The following MGAT5 variants were observed in gnomAD, a reference collection of about 807,000 sequenced individuals.
MGAT5 encodes the protein alpha-1,6-mannosylglycoprotein 6-beta-N-acetylglucosaminyltransferase A.
In MGAT5, 30 loss-of-function variants were observed where a neutral mutation model predicts 94.3. That is an observed-to-expected ratio of 0.32 (90% CI 0.24 to 0.43). The LOEUF (loss-of-function observed/expected upper bound fraction) is 0.43, where lower values mean the gene tolerates loss of function less well. Among genes scored for constraint, MGAT5 ranks in the 20% least tolerant of loss-of-function variants. MGAT5 has a pLI of 1.00. For missense variants in MGAT5, 691 were observed against 905.5 expected, an observed-to-expected ratio of 0.76 and a Z score of 3.04; for synonymous variants, 310 against 322.9, an observed-to-expected ratio of 0.96 and a Z score of 0.43.
intron 11 of MGAT5, among the ~76,000 whole-genome samples, chr2:134,408,645 G>A (rs1476341859): frequency 6.6e-6 from 1 of 152,196 alleles, no homozygotes; most frequent in African/African-American, 2.4e-5. Context: ...GGCTTGTGGA[G>A]CCCTTGGGAG....
chr2:134,206,495 C>T (rs1025710588), intron 1 of MGAT5, among the ~76,000 whole-genome samples: 5 of 152,118 alleles, frequency 3.3e-5, no homozygotes, highest in African/African-American at 9.7e-5. Flanking sequence ...CTTAAAAGAA[C>T]ATGTTTATTT....
chr2:134,292,455 T>C (rs1034238285), intron 2 of MGAT5, among the ~76,000 whole-genome samples: 1 of 152,108 alleles, frequency 6.6e-6, no homozygotes, highest in East Asian at 1.9e-4. Context: ...ACAGGGTGCA[T>C]TGGGTAAAAG....
chr2:134,182,935 C>T (rs1445030560), intron 1 of MGAT5, among the ~76,000 whole-genome samples: 1 of 151,632 alleles, frequency 6.6e-6, no homozygotes, highest in Non-Finnish European at 1.5e-5. Context: ...TACAGGCGCC[C>T]ACCATCACAC....
At chr2:134,277,855 A>G (rs1353597019) in intron 2 of MGAT5, among the ~76,000 whole-genome samples, 1 of 152,232 alleles carries the variant, frequency 6.6e-6, no homozygotes, top group Non-Finnish European at 1.5e-5. Context: ...TTTCACTGGA[A>G]CACTTTAAAT....
At chr2:134,182,633 T>C (rs1418002643) in intron 1 of MGAT5, among the ~76,000 whole-genome samples, 1 of 152,148 alleles carries the variant, frequency 6.6e-6, no homozygotes, top group Non-Finnish European at 1.5e-5. Flanking sequence ...CCCTGGAAGC[T>C]CCTCGTGTTC....
intron 1 of MGAT5, among the ~76,000 whole-genome samples, chr2:134,245,547 A>AC (rs926195866): frequency 5.1e-4 from 77 of 152,116 alleles, no homozygotes; most frequent in East Asian, 3.5e-3. Flanking sequence ...GTTTTCTCTT[A>AC]CCCCACCCAC....
At chr2:134,339,746 A>G (rs1460111590) in intron 6 of MGAT5, among the ~76,000 whole-genome samples, 1 of 152,186 alleles carries the variant, frequency 6.6e-6, no homozygotes, top group Non-Finnish European at 1.5e-5. Context: ...TATTACCAAA[A>G]ACTAAAAATT....
chr2:134,231,005 A>C (rs1681335411), intron 1 of MGAT5, among the ~76,000 whole-genome samples: 1 of 152,230 alleles, frequency 6.6e-6, no homozygotes, highest in Non-Finnish European at 1.5e-5. Context: ...ACCTTGTGAA[A>C]GAAAGCTGTC....
intron 12 of MGAT5, among the ~76,000 whole-genome samples, chr2:134,414,323 C>T (rs889933585): frequency 6.6e-6 from 1 of 152,128 alleles, no homozygotes; most frequent in African/African-American, 2.4e-5. Flanking sequence ...AGACTGGGGA[C>T]ATTCAGTCTG....
At chr2:134,270,231 A>G (rs1683946523) in intron 1 of MGAT5, among the ~76,000 whole-genome samples, 155 bp from the exon 2 acceptor site, 1 of 152,236 alleles carries the variant, frequency 6.6e-6, no homozygotes, top group Non-Finnish European at 1.5e-5. Context: ...CCAGTTGAAG[A>G]CGGCCCTTGT....
intron 9 of MGAT5, among the ~76,000 whole-genome samples, chr2:134,353,290 C>T (rs1679509390): frequency 6.6e-6 from 1 of 152,132 alleles, no homozygotes; most frequent in Admixed American, 6.6e-5. Context: ...TTGGTGTTAA[C>T]CTCTCATACA....
rs1434616423 is a variant in MGAT5, at chr2:134,172,642, T to C, written c.-143+52351T>C. On this transcript the variant is annotated intron_variant, in intron 1 of 16. Coordinates refer to the MGAT5 transcript ENST00000409645. ...ACCTCGTGATTCTCCCGCCTCGACCTCCCAAAGTGCTGGGATTACAGGTGT... is the reference window on the plus strand; with the variant it reads ...ACCTCGTGATTCTCCCGCCTCGACCCCCCAAAGTGCTGGGATTACAGGTGT... Among the ~76,000 whole-genome samples the C allele has an allele frequency of 3.3e-5, 5 of 152,302 alleles. No homozygotes were observed. In the South Asian group the frequency reaches 6.2e-4, roughly 19 times the overall value.
chr2:134,342,400 C>T (rs894231514), intron 7 of MGAT5, among the ~76,000 whole-genome samples: 1 of 152,128 alleles, frequency 6.6e-6, no homozygotes, highest in Non-Finnish European at 1.5e-5. Context: ...GTCAAGTTGC[C>T]ATGTTGCTAT....
At chr2:134,425,597 T>C (rs142831515) in intron 13 of MGAT5, among the ~76,000 whole-genome samples, 1 of 152,296 alleles carries the variant, frequency 6.6e-6, no homozygotes, top group East Asian at 1.9e-4. Context: ...ACTCAAACCC[T>C]GGCCTCCTGA....
intron 1 of MGAT5, among the ~76,000 whole-genome samples, chr2:134,180,107 C>T (rs535784461): frequency 1.1e-4 from 17 of 152,336 alleles, no homozygotes; most frequent in African/African-American, 4.1e-4. Context: ...AGGAGCTCCC[C>T]ACCCCTTTCC....
At chr2:134,189,608 T>TTTGTTTTGTTTTG (rs1558978169) in intron 1 of MGAT5, among the ~76,000 whole-genome samples, 8 of 92,344 alleles carry the variant, frequency 8.7e-5, no homozygotes, top group African/African-American at 3.8e-4. Context: ...TTTTGTTTTT[T>TTTGTTTTGTTTTG]TTTTTTTTTT....
chr2:134,270,424 T>G lies in MGAT5; in HGVS notation c.280T>G (p.Leu94Val). 1 of 1,614,236 alleles carries G rather than the reference T, an allele frequency of 6.2e-7. No individual in the cohort carries two copies. The highest frequency in any genetic ancestry group is 8.5e-7 in the Non-Finnish European group (1 of 1,180,012). Residue 94 changes from leucine to valine, a missense_variant, in exon 2 of 16, where the codon TTG becomes GTG. Transcript: ENST00000281923. ...KTLAVLLDNI[L>V]QRIGKLESKV... ...CCTTGCTGTGTTATTAGATAACATTTTGCAGCGCATTGGCAAGTTGGAGTC... is the reference window on the plus strand; with the variant it reads ...CCTTGCTGTGTTATTAGATAACATTGTGCAGCGCATTGGCAAGTTGGAGTC...
At chr2:134,128,443 T>C (rs923629893) in intron 1 of MGAT5, among the ~76,000 whole-genome samples, 12 of 152,222 alleles carry the variant, frequency 7.9e-5, no homozygotes, top group African/African-American at 2.7e-4. Flanking sequence ...ATACTGTGTA[T>C]TAAGATTTTA....
intron 1 of MGAT5, among the ~76,000 whole-genome samples, chr2:134,160,458 G>A (rs1056056717): frequency 2.0e-5 from 3 of 152,172 alleles, no homozygotes; most frequent in African/African-American, 7.2e-5. Context: ...AGGCCACTGC[G>A]CCTGGCCTGG....
Sources: gnomAD v4.1 joint callset for allele counts (sites outside exome capture counted in the v4.1 genomes callset) on GRCh38, gnomAD v4.1.1 for gene constraint, MANE v1.5 for transcripts, NCBI Gene and HGNC (gene_info 2026-07-23, HGNC 2026-07-21) for gene names.